PCDH15: variants seen among roughly 807,000 people sequenced by gnomAD.
The protein encoded by PCDH15 is protocadherin-15.
PCDH15 carries 129 observed loss-of-function variants against 178.5 expected under a neutral mutation model. The ratio of observed to expected loss-of-function variants is 0.72; its 90% CI spans 0.63 to 0.84. The LOEUF (loss-of-function observed/expected upper bound fraction) is 0.84. Among genes scored for constraint, PCDH15 ranks in the 40% least tolerant of loss-of-function variants. The pLI, the probability that PCDH15 is intolerant of heterozygous loss-of-function variation, is 0.00. For missense variants in PCDH15, 2,230 were observed against 2,099.9 expected (o/e 1.06, Z -1.21); for synonymous variants, 800 against 732.0 (o/e 1.09, Z -1.50).
At chr10:55,025,279 C>G (rs1211953227) in intron 2 of PCDH15, among the ~76,000 whole-genome samples, 4 of 152,104 alleles carry the variant, frequency 2.6e-5, no homozygotes, top group Admixed American at 2.6e-4. Flanking sequence ...TTTCATTGTA[C>G]TTTTTGATCT....
At chr10:55,252,337 A>G (rs1241675877) in intron 1 of PCDH15, among the ~76,000 whole-genome samples, 1 of 152,152 alleles carries the variant, frequency 6.6e-6, no homozygotes, top group Non-Finnish European at 1.5e-5. Flanking sequence ...AGTTATATAA[A>G]TCAATACCTG....
At chr10:54,612,435 A>G (rs1020055386) in intron 2 of PCDH15, among the ~76,000 whole-genome samples, 5 of 151,816 alleles carry the variant, frequency 3.3e-5, no homozygotes, top group African/African-American at 9.7e-5. Context: ...TTAAACTTAA[A>G]TAAGTGTTTT....
chr10:53,898,262 C>T lies in PCDH15; in HGVS notation c.3501+4981G>A, dbSNP rs568810927. The stretch of plus-strand genomic sequence containing the variant: ...GATTACAGGCATGAGCCACCGCACC[C>T]GGCCCCATATGGGTTGTTTCTAATT... On this transcript the variant is annotated intron_variant, in intron 26 of 37. Transcript: ENST00000644397. 2.6e-5 allele frequency among the ~76,000 whole-genome samples: 4 copies of T among 152,214 alleles called. No homozygotes were observed. In the East Asian group the frequency reaches 5.8e-4, roughly 22 times the overall value.
chr10:55,198,582 G>A, intron 1 of PCDH15, among the ~76,000 whole-genome samples: 1 of 152,040 alleles, frequency 6.6e-6, no homozygotes, highest in East Asian at 1.9e-4. Context: ...CGCCTCCTGG[G>A]TTCACGCCAT....
chr10:54,866,226 G>T (rs957042843), intron 3 of PCDH15, among the ~76,000 whole-genome samples: 1 of 152,268 alleles, frequency 6.6e-6, no homozygotes, highest in East Asian at 1.9e-4. Context: ...ATTATTGAAG[G>T]TATTGCTTTT....
At chr10:53,952,274 T>C (rs1173290420) in intron 23 of PCDH15, among the ~76,000 whole-genome samples, 5 of 152,154 alleles carry the variant, frequency 3.3e-5, no homozygotes, top group Admixed American at 6.5e-5. Context: ...ATTAGGTATA[T>C]AGCCATCTGA....
chr10:55,433,062 CAG>C (rs2132059098), intron 2 of PCDH15, among the ~76,000 whole-genome samples: 1 of 150,924 alleles, frequency 6.6e-6, no homozygotes, highest in South Asian at 2.1e-4. Context: ...AAAACAAAAA[CAG>C]AAGTAGCATT....
chr10:54,285,202 G>C (rs2058959095), intron 8 of PCDH15, among the ~76,000 whole-genome samples: 1 of 151,188 alleles, frequency 6.6e-6, no homozygotes, highest in South Asian at 2.1e-4. Context: ...AGGTTTTTTT[G>C]GATAAAAACT....
intron 26 of PCDH15, among the ~76,000 whole-genome samples, chr10:53,876,533 C>G (rs1366114267): frequency 6.6e-6 from 1 of 151,344 alleles, no homozygotes; most frequent in Non-Finnish European, 1.5e-5. Flanking sequence ...TTTTAAAGTC[C>G]TTAAAGACAA....
chr10:54,348,272 C>A (rs956133810), intron 5 of PCDH15, among the ~76,000 whole-genome samples: 1 of 152,086 alleles, frequency 6.6e-6, no homozygotes, highest in Non-Finnish European at 1.5e-5. Context: ...TAAAAATAAA[C>A]CATAAGTACA....
In PCDH15 at chr10:54,269,508, A is replaced by G. The variant is rs531826732; in HGVS notation, c.877-32577T>C. Among the ~76,000 whole-genome samples the G allele has an allele frequency of 3.9e-5, 6 of 152,132 alleles. No homozygotes were observed. The South Asian group carries it at 1.2e-3, about 32-fold the overall frequency. Reference sequence around the variant, plus strand: ...GATTTTCCTGTATCTGTCAAGCTTTACAGAAATGTCTTCAACAGAATAACA... The same window carrying G: ...GATTTTCCTGTATCTGTCAAGCTTTGCAGAAATGTCTTCAACAGAATAACA... On this transcript the variant is annotated intron_variant, in intron 8 of 37. Transcript: ENST00000644397.
intron 35 of PCDH15, among the ~76,000 whole-genome samples, chr10:53,816,028 A>G (rs1416019901): frequency 1.3e-5 from 2 of 152,146 alleles, no homozygotes. Context: ...CCAGAGAATG[A>G]GGCTAAAAAT....
chr10:53,999,292 T>C (rs997021990), intron 20 of PCDH15, among the ~76,000 whole-genome samples: 7 of 152,160 alleles, frequency 4.6e-5, no homozygotes, highest in Non-Finnish European at 7.4e-5. Context: ...TGGTTGATTG[T>C]TTGCCTCTTA....
chr10:53,832,760 G>T (rs1406028541), intron 29 of PCDH15, among the ~76,000 whole-genome samples: 1 of 151,818 alleles, frequency 6.6e-6, no homozygotes, highest in Non-Finnish European at 1.5e-5. Context: ...TCTATTTTAT[G>T]CCCTTTTGAG....
At chr10:55,270,897 C>A (rs1306210860) in intron 1 of PCDH15, among the ~76,000 whole-genome samples, 3 of 152,020 alleles carry the variant, frequency 2.0e-5, no homozygotes, top group Non-Finnish European at 4.4e-5. Flanking sequence ...AGGTGCCCAT[C>A]AGTGGTAGAG....
chr10:55,396,923 T>A (rs141174651), intron 2 of PCDH15, among the ~76,000 whole-genome samples: 1 of 152,316 alleles, frequency 6.6e-6, no homozygotes, highest in African/African-American at 2.4e-5. Flanking sequence ...ACAATTTTTG[T>A]ATAAGTAACT....
At chr10:55,495,288 T>G (rs1228009366) in intron 2 of PCDH15, among the ~76,000 whole-genome samples, 1 of 151,776 alleles carries the variant, frequency 6.6e-6, no homozygotes, top group Non-Finnish European at 1.5e-5. Context: ...TTAAAAACCC[T>G]TATGCTACAA....
At chr10:55,383,471 G>A (rs1479944031) in intron 2 of PCDH15, among the ~76,000 whole-genome samples, 1 of 152,062 alleles carries the variant, frequency 6.6e-6, no homozygotes, top group Non-Finnish European at 1.5e-5. Flanking sequence ...CAATTTCCAG[G>A]CTGCAGAATG....
intron 8 of PCDH15, among the ~76,000 whole-genome samples, chr10:54,265,417 T>C (rs748580898): frequency 6.6e-6 from 1 of 151,088 alleles, no homozygotes; most frequent in Non-Finnish European, 1.5e-5. Flanking sequence ...ATCTCACATA[T>C]AAAAGTTAAC....
Sources: allele counts gnomAD v4.1 joint callset (sites outside exome capture counted in the v4.1 genomes callset), GRCh38; gene constraint gnomAD v4.1.1; transcripts MANE v1.5; gene names NCBI Gene and HGNC (gene_info 2026-07-23, HGNC 2026-07-21).